RCBTB2: variants seen among roughly 807,000 people sequenced by gnomAD.
The protein encoded by RCBTB2 is RCC1 and BTB domain-containing protein 2.
A neutral mutation model predicts 65.4 loss-of-function variants in RCBTB2; 55 were observed. The ratio of observed to expected loss-of-function variants is 0.84; its 90% confidence interval spans 0.68 to 1.05. The LOEUF (loss-of-function observed/expected upper bound fraction) is 1.05. RCBTB2 is among the 50% of genes least tolerant of loss of function. The pLI, the probability that RCBTB2 is intolerant of heterozygous loss-of-function variation, is 0.00. For missense variants in RCBTB2, 599 were observed against 680.1 expected, an observed-to-expected ratio of 0.88 and a Z score of 1.33; for synonymous variants, 220 against 255.2, an observed-to-expected ratio of 0.86 and a Z score of 1.31.
intron 1 of RCBTB2, among the ~76,000 whole-genome samples, chr13:48,531,212 G>C (rs1336543848): frequency 1.3e-5 from 2 of 152,212 alleles, no homozygotes; most frequent in Non-Finnish European, 2.9e-5. Flanking sequence ...ATCAAGGACA[G>C]GACGTGATAG....
intron 1 of RCBTB2, among the ~76,000 whole-genome samples, chr13:48,526,342 C>T (rs1397400957): frequency 6.6e-6 from 1 of 151,952 alleles, no homozygotes; most frequent in African/African-American, 2.4e-5. Context: ...TTGAGACTAG[C>T]CTGGGCAACA....
intron 1 of RCBTB2, among the ~76,000 whole-genome samples, chr13:48,531,430 G>A (rs573854580): frequency 6.6e-6 from 1 of 152,312 alleles, no homozygotes; most frequent in East Asian, 1.9e-4. Context: ...AGCAGTACAA[G>A]AGTTTGGAGA....
intron 1 of RCBTB2, among the ~76,000 whole-genome samples, chr13:48,529,752 C>G (rs1952001848): frequency 6.6e-6 from 1 of 152,154 alleles, no homozygotes; most frequent in Non-Finnish European, 1.5e-5. Context: ...AGGAGGCAAG[C>G]CATCCACTCC....
rs1460880398 is a variant in RCBTB2, at chr13:48,488,975, C to A, written c.*1136G>T. On this transcript the variant is annotated 3_prime_UTR_variant, in exon 15 of 15. Transcript: ENST00000344532. ...CCCAACACATTTGTTCTGTTATCTG[C>A]AAATAAGCACTTTATTACCAAATAG... is the stretch of plus-strand genomic sequence containing the variant. 6.6e-6 allele frequency: 1 copy of A among 152,046 alleles called. No homozygotes were observed. Among genetic ancestry groups the A allele is most frequent in the Non-Finnish European group, 1.5e-5 (1 of 68,008 alleles). The allele number at this position is 152,046 out of a possible 1,614,324, so 9.4% of individuals were successfully genotyped here. A position where few individuals can be genotyped will look rare whatever the true frequency, so the allele number is the denominator to read the frequency against.
intron 10 of RCBTB2, among the ~76,000 whole-genome samples, chr13:48,508,688 G>A (rs1950626723): frequency 6.6e-6 from 1 of 152,232 alleles, no homozygotes; most frequent in Non-Finnish European, 1.5e-5. Context: ...ACAGGCGTGA[G>A]TGCCTGGCCC....
chr13:48,497,752 G>T (rs997288976), intron 13 of RCBTB2, among the ~76,000 whole-genome samples: 1 of 152,214 alleles, frequency 6.6e-6, no homozygotes, highest in South Asian at 2.1e-4. Context: ...GTAGACTTTG[G>T]TTGGAAACTT....
intron 10 of RCBTB2, among the ~76,000 whole-genome samples, chr13:48,505,911 T>C (rs1235451343): frequency 2.0e-5 from 3 of 152,192 alleles, no homozygotes; most frequent in Non-Finnish European, 2.9e-5. Context: ...GCTGCAGAAC[T>C]GTGGGCCCGT....
chr13:48,519,864 TA>T (rs1270583696), intron 4 of RCBTB2, among the ~76,000 whole-genome samples: 25 of 152,158 alleles, frequency 1.6e-4, no homozygotes, highest in South Asian at 2.1e-4. Flanking sequence ...AAAATGCATG[TA>T]TTTGCATTTT....
chr13:48,521,933 C>T lies in RCBTB2; in HGVS notation c.7G>A (p.Glu3Lys). 1 of 1,613,862 alleles carries T rather than the reference C, an allele frequency of 6.2e-7. No individual in the cohort carries two copies. The highest frequency in any genetic ancestry group is 8.5e-7 in the Non-Finnish European group (1 of 1,179,864). Residue 3 changes from glutamate (E) to lysine (K), a missense_variant, in exon 4 of 15, where the codon GAA becomes AAA. Glu to Lys is a moderately conservative substitution (Grantham distance 56). Transcript: ENST00000344532. MEEELPLFSGDSG... is the reference protein window; with the variant it reads MEKELPLFSGDSG... ...TCTCCAGAGAAAAGAGGAAGTTCTT[C>T]TTCCATATGGACTCAGTCCTGGGCA...
At chr13:48,511,452 G>C (rs866653179) in intron 9 of RCBTB2, among the ~76,000 whole-genome samples, 2 of 152,104 alleles carry the variant, frequency 1.3e-5, no homozygotes, top group African/African-American at 4.8e-5. Flanking sequence ...CTGTAAGACA[G>C]TTACAGGAAT....
intron 1 of RCBTB2, among the ~76,000 whole-genome samples, chr13:48,531,028 G>A (rs894829551): frequency 2.0e-5 from 3 of 152,132 alleles, no homozygotes; most frequent in Admixed American, 1.3e-4. Flanking sequence ...GTTTAAAATT[G>A]CAACCCACAC....
Position 48,522,407 on chromosome 13 carries a change from GA to G in RCBTB2, c.-119-5del, listed in dbSNP as rs558867557. The G allele has an allele frequency of 4.1e-3, 3,994 of 978,412 alleles. 1 individual carries two copies. The highest frequency in any genetic ancestry group is 5.7e-3 in the South Asian group (294 of 51,458). 60.6% of individuals were successfully genotyped at this position (978,412 alleles called of 1,614,324 possible). The stretch of plus-strand genomic sequence containing the variant: ...GAAGAATATATGATTTGCTAAGCTG[GA>G]AAAAAAAAAGGAGAAATGAATGAAA... On this transcript the variant is annotated splice_polypyrimidine_tract_variant and splice_region_variant and intron_variant, in intron 2 of 14. Coordinates refer to ENST00000344532, the MANE Select transcript of RCBTB2 (RefSeq NM_001268.4).
intron 9 of RCBTB2, among the ~76,000 whole-genome samples, chr13:48,511,246 T>C (rs1950777850): frequency 6.6e-6 from 1 of 152,220 alleles, no homozygotes; most frequent in Non-Finnish European, 1.5e-5. Context: ...TGTATCTTGC[T>C]TCATTTTACC....
In RCBTB2 at chr13:48,496,259, T is replaced by C. The variant is rs775883498; in HGVS notation, c.1447A>G (p.Ile483Val). Residue 483 changes from isoleucine to valine, a missense_variant, in exon 14 of 15, where the codon ATC (isoleucine) becomes GTC (valine). Physicochemically the swap from Ile to Val is conservative, Grantham distance 29. Transcript: ENST00000344532. ...TTCTCCTCGCAGATGCCTTGCTTGA[T>C]AGTTTGTTGGCAGAGCTTTTTCAAA... is the stretch of plus-strand genomic sequence containing the variant. ...NRLKKLCQQTIKQGICEENAI... is the reference protein window; with the variant it reads ...NRLKKLCQQTVKQGICEENAI... The C allele has an allele frequency of 4.4e-6, 7 of 1,595,096 alleles. No individual in the cohort carries two copies. The highest frequency in any genetic ancestry group is 1.4e-5 in the African/African-American group (1 of 74,000).
chr13:48,532,567 AC>A (rs1474564807), intron 1 of RCBTB2: 1 of 160,872 alleles, frequency 6.2e-6, no homozygotes, highest in African/African-American at 3.3e-5. Context: ...GGGACCTGTG[AC>A]GCCCCCCCAG....
At chr13:48,515,123 T>A (rs545628504) in intron 6 of RCBTB2, 82 bp downstream of exon 6, 322 of 1,268,908 alleles carry the variant, frequency 2.5e-4, no homozygotes, top group Non-Finnish European at 3.3e-4. Flanking sequence ...CAGGAAGAGC[T>A]AGCAACTCTC....
At chr13:48,493,342 T>TCTCTCTCTCTCTG (rs1414517284) in intron 14 of RCBTB2, among the ~76,000 whole-genome samples, 1 of 22,202 alleles carries the variant, frequency 4.5e-5, no homozygotes, top group Non-Finnish European at 1.6e-4. Context: ...CTCTCTCTCT[T>TCTCTCTCTCTCTG]CTCTTCTCTC....
upstream of RCBTB2, among the ~76,000 whole-genome samples, chr13:48,534,813 T>C (rs181245484): frequency 1.6e-3 from 238 of 152,372 alleles, 1 homozygote; most frequent in African/African-American, 5.2e-3. Context: ...TATTGCTGAA[T>C]TCAGTAGACT....
At chr13:48,498,028 C>T (rs1343865973) in intron 13 of RCBTB2, among the ~76,000 whole-genome samples, 1 of 152,220 alleles carries the variant, frequency 6.6e-6, no homozygotes, top group East Asian at 1.9e-4. Flanking sequence ...CTGGGACTGC[C>T]TGCATAATTG....
Sources: allele counts gnomAD v4.1 joint callset (sites outside exome capture counted in the v4.1 genomes callset), GRCh38; gene constraint gnomAD v4.1.1; transcripts MANE v1.5; gene names NCBI Gene and HGNC (gene_info 2026-07-23, HGNC 2026-07-21).